Variants in ITSN1 observed in about 807,000 individuals in gnomAD.
ITSN1 encodes intersectin-1.
A neutral mutation model predicts 239.8 loss-of-function variants in ITSN1; 58 were observed. The observed-to-expected ratio is 0.24, with a 90% CI of 0.20 to 0.30. ITSN1 has a LOEUF of 0.30. Among genes scored for constraint, ITSN1 ranks in the 10% least tolerant of loss-of-function variants. The probability of loss-of-function intolerance (pLI) is 1.00; values close to 1 mark genes in which losing one functional copy is unlikely to be tolerated. For synonymous variants in ITSN1, 780 were observed against 770.8 expected (o/e 1.01, Z -0.20); for missense variants, 1,558 against 2,103.3 (o/e 0.74, Z 5.07).
intron 5 of ITSN1, among the ~76,000 whole-genome samples, chr21:33,747,232 A>G (rs865992486): frequency 6.6e-6 from 1 of 152,220 alleles, no homozygotes; most frequent in Non-Finnish European, 1.5e-5. Context: ...GATTCAAGAT[A>G]GCAGAAGACA....
rs1602603407 is a variant in ITSN1, at chr21:33,854,509, C to A, written c.3662-2227C>A. Among the ~76,000 whole-genome samples, 4 of 152,208 alleles carry A rather than the reference C, an allele frequency of 2.6e-5. No homozygotes were observed. The South Asian group carries it at 8.3e-4, about 32-fold the overall frequency. On this transcript the variant is annotated intron_variant, in intron 29 of 39. Coordinates refer to ENST00000381318, the MANE Select transcript of ITSN1 (RefSeq NM_003024.3). ...GAGTGGGGTAAAAAGAGGGCAGGAA[C>A]AAGATATGTTTCCCCCCAAACTCGA... is the stretch of plus-strand genomic sequence containing the variant.
intron 1 of ITSN1, among the ~76,000 whole-genome samples, chr21:33,703,630 A>T (rs1428570470): frequency 6.6e-6 from 1 of 152,354 alleles, no homozygotes; most frequent in Middle Eastern, 3.4e-3. Context: ...AAACAATTGT[A>T]CTTTCACTGG....
chr21:33,666,234 A>G (rs1411946691), intron 1 of ITSN1, among the ~76,000 whole-genome samples: 1 of 152,178 alleles, frequency 6.6e-6, no homozygotes, highest in Non-Finnish European at 1.5e-5. Context: ...CCTGGCCTGT[A>G]TGGTTCCATT....
intron 1 of ITSN1, among the ~76,000 whole-genome samples, chr21:33,691,103 G>C: frequency 6.6e-6 from 1 of 151,702 alleles, no homozygotes; most frequent in Non-Finnish European, 1.5e-5. Context: ...GGCCTGCTCT[G>C]CGGTGTTGTA....
chr21:33,885,687 T>G lies in ITSN1; in HGVS notation c.4843+165T>G, dbSNP rs546659030. Among the ~76,000 whole-genome samples, 22 of 151,396 alleles carry G rather than the reference T, an allele frequency of 1.5e-4. No individual in the cohort carries two copies. In the East Asian group the frequency reaches 2.9e-3, roughly 20 times the overall value. ...TTGTTAAAAACCTGGAGGTTTTGTG[T>G]TTTTTTTTCCATCCTTTCTACCATT... On this transcript the variant is annotated intron_variant, in intron 38 of 39. Transcript: ENST00000381318.
chr21:33,835,354 C>T (rs1437647410), intron 28 of ITSN1, among the ~76,000 whole-genome samples: 1 of 152,126 alleles, frequency 6.6e-6, no homozygotes, highest in African/African-American at 2.4e-5. Flanking sequence ...TGTACAGCCC[C>T]TTCCTCAGGC....
At chr21:33,799,555 C>T (rs1312476501) in intron 18 of ITSN1, among the ~76,000 whole-genome samples, 4 of 152,136 alleles carry the variant, frequency 2.6e-5, no homozygotes, top group African/African-American at 7.2e-5. Context: ...GCAGCCTCGC[C>T]GCACCCAGGC....
At chr21:33,801,126 C>A (rs569436081) in intron 19 of ITSN1, among the ~76,000 whole-genome samples, 1 of 152,190 alleles carries the variant, frequency 6.6e-6, no homozygotes, top group East Asian at 1.9e-4. Context: ...CCCAGGTCAG[C>A]CTCCCAAAGT....
At chr21:33,706,828 T>A (rs1220680223) in intron 1 of ITSN1, among the ~76,000 whole-genome samples, 2 of 152,212 alleles carry the variant, frequency 1.3e-5, no homozygotes, top group Admixed American at 1.3e-4. Flanking sequence ...GTTCAAGTGA[T>A]TCTCCTGCCT....
chr21:33,690,051 A>G (rs1394507589), intron 1 of ITSN1, among the ~76,000 whole-genome samples: 1 of 151,464 alleles, frequency 6.6e-6, no homozygotes, highest in Non-Finnish European at 1.5e-5. Flanking sequence ...TGGGAGGCCA[A>G]GGCAGGCGAA....
intron 24 of ITSN1, among the ~76,000 whole-genome samples, chr21:33,819,537 T>C (rs542247563): frequency 1.3e-5 from 2 of 152,358 alleles, no homozygotes; most frequent in South Asian, 2.1e-4. Context: ...TTTCTAATTA[T>C]ATTTTATTAT....
Position 33,669,301 on chromosome 21 carries a change from T to C in ITSN1, c.-33+26588T>C, listed in dbSNP as rs557406227. The stretch of plus-strand genomic sequence containing the variant: ...TTTCACCACATTGGCCAGGCTGGTC[T>C]TGAACTCTTGGCCTCAAGTGATCCA... On this transcript the variant is annotated intron_variant, in intron 1 of 39. Transcript: ENST00000381318. Among the ~76,000 whole-genome samples, 63 of 152,332 alleles carry C rather than the reference T, an allele frequency of 4.1e-4. No homozygotes were observed. The South Asian group carries it at 0.013, about 31-fold the overall frequency.
At chr21:33,835,599 T>C (rs2074555190) in intron 28 of ITSN1, among the ~76,000 whole-genome samples, 1 of 152,116 alleles carries the variant, frequency 6.6e-6, no homozygotes, top group African/African-American at 2.4e-5. Context: ...GACAACATTT[T>C]GAGATGCAAA....
At chr21:33,825,201 C>CT (rs145084495) in intron 25 of ITSN1, among the ~76,000 whole-genome samples, 49 of 149,124 alleles carry the variant, frequency 3.3e-4, no homozygotes, top group African/African-American at 8.6e-4. Flanking sequence ...CACACAGTGA[C>CT]TTTTTTTTTT....
At position 33,802,314 on chromosome 21, in the gene ITSN1, G is replaced by A. The variant is rs148959869; in HGVS notation, c.2305-116G>A. Reference sequence around the variant, plus strand: ...CCTGTTGAAACCTTTTCCTCGAATTGGCTAGTTAACCACCAGCTTGATGAG... The same window carrying A: ...CCTGTTGAAACCTTTTCCTCGAATTAGCTAGTTAACCACCAGCTTGATGAG... On this transcript the variant is annotated intron_variant, in intron 19 of 39. Transcript: ENST00000381318. The A allele has an allele frequency of 7.3e-6, 7 of 961,562 alleles. No individual in the cohort carries two copies. The African/African-American group carries it at 1.1e-4, about 16-fold the overall frequency. 59.6% of individuals were successfully genotyped at this position (961,562 alleles called of 1,614,324 possible).
chr21:33,876,582 A>G (rs1317189866), intron 34 of ITSN1, among the ~76,000 whole-genome samples: 3 of 151,978 alleles, frequency 2.0e-5, no homozygotes, highest in Non-Finnish European at 4.4e-5. Context: ...AATCCTTCTT[A>G]TTTATTTCTT....
intron 20 of ITSN1, among the ~76,000 whole-genome samples, chr21:33,804,003 T>C (rs2148112390): frequency 6.6e-6 from 1 of 152,350 alleles, no homozygotes; most frequent in Admixed American, 6.5e-5. Context: ...TGACATCTAA[T>C]AGCAACAGGT....
intron 18 of ITSN1, among the ~76,000 whole-genome samples, chr21:33,798,094 TCTTTC>T (rs2071700283): frequency 6.6e-6 from 1 of 152,308 alleles, no homozygotes; most frequent in Non-Finnish European, 1.5e-5. Context: ...TTCTTTCTTC[TCTTTC>T]CTTTTCTTTT....
At chr21:33,682,464 C>T (rs926171635) in intron 1 of ITSN1, among the ~76,000 whole-genome samples, 5 of 151,252 alleles carry the variant, frequency 3.3e-5, no homozygotes, top group African/African-American at 9.9e-5. Flanking sequence ...ATCCACCCGC[C>T]TCGGCCTCCC....
Sources: gnomAD v4.1 joint callset for allele counts (sites outside exome capture counted in the v4.1 genomes callset) on GRCh38, gnomAD v4.1.1 for gene constraint, MANE v1.5 for transcripts, NCBI Gene and HGNC (gene_info 2026-07-23, HGNC 2026-07-21) for gene names.